Variants in RNF19A observed in about 807,000 individuals in gnomAD.
RNF19A encodes the protein ring finger protein 19A, RBR E3 ubiquitin protein ligase, also known as E3 ubiquitin-protein ligase RNF19A.
Under a neutral mutation model 75.7 loss-of-function variants are expected in RNF19A, and 32 were observed. The observed-to-expected ratio is 0.42, with a 90% confidence interval of 0.32 to 0.57. The LOEUF (loss-of-function observed/expected upper bound fraction) is 0.57, where lower values mean the gene tolerates loss of function less well. Ranked by LOEUF, RNF19A falls within the 20% of genes least tolerant of loss-of-function variation. The pLI is 0.10. For synonymous variants in RNF19A, 335 were observed against 345.2 expected (o/e 0.97, Z 0.33); for missense variants, 782 against 1,036.3 (o/e 0.75, Z 3.37).
At position 100,331,854 on chromosome 8, in the gene RNF19A, A is replaced by G. The variant is rs1403732627; in HGVS notation, c.-243+4254T>C. On this transcript the variant is annotated intron_variant, in intron 1 of 3. Transcript: ENST00000519527. The surrounding 1 kb of genome is among the most constrained non-coding windows in gnomAD (Gnocchi z 5.2). ...CCCCAGCCCTACCTACCTCTCTTACACAGTACTAACCTTTGCACCCTGCTT... is the reference window on the plus strand; with the variant it reads ...CCCCAGCCCTACCTACCTCTCTTACGCAGTACTAACCTTTGCACCCTGCTT... Among the ~76,000 whole-genome samples the G allele has an allele frequency of 6.6e-6, 1 of 152,140 alleles. No homozygotes were observed. The highest frequency in any genetic ancestry group is 2.4e-5 in the African/African-American group (1 of 41,440).
chr8:100,307,941 A>G (rs1822126793), intron 1 of RNF19A, among the ~76,000 whole-genome samples: 1 of 152,156 alleles, frequency 6.6e-6, no homozygotes. Flanking sequence ...AGAAATCACC[A>G]AAATTTGTTT....
In RNF19A at chr8:100,259,480, T is replaced by C. The variant is rs1206373609; in HGVS notation, c.1827-234A>G. 6.6e-6 allele frequency among the ~76,000 whole-genome samples: 1 copy of C among 152,220 alleles called. No homozygotes were observed. Among genetic ancestry groups the C allele is most frequent in the Admixed American group, 6.5e-5 (1 of 15,290 alleles). On this transcript the variant is annotated intron_variant, in intron 9 of 9. Transcript: ENST00000341084. The surrounding 1 kb of genome is among the most constrained non-coding windows in gnomAD (Gnocchi z 4.5). ...ATTGCTTATGCTGTTCTAGACACTA[T>C]GCTACCTTTTTTTAAAGAACAGCTT...
At position 100,257,932 on chromosome 8, in the gene RNF19A, G is replaced by C; in HGVS notation, c.*624C>G. 1 of 398,412 alleles carries C rather than the reference G, an allele frequency of 2.5e-6. No individual in the cohort carries two copies. The allele number at this position is 398,412 out of a possible 1,614,324, so 24.7% of individuals were successfully genotyped here. A position where few individuals can be genotyped will look rare whatever the true frequency, so the allele number is the denominator to read the frequency against. On this transcript the variant is annotated 3_prime_UTR_variant, in exon 10 of 10. Coordinates refer to ENST00000341084, the MANE Select transcript of RNF19A (RefSeq NM_183419.4). ...GATGGCATCAACAATAAACAAGATA[G>C]AGTACCAGGTATTTCTATTTCAAAG...
In RNF19A at chr8:100,258,998, T is replaced by TC; in HGVS notation, c.2074dup (p.Asp692GlyfsTer16). 1 of 1,614,214 alleles carries TC rather than the reference T, an allele frequency of 6.2e-7. No individual in the cohort carries two copies. The highest frequency in any genetic ancestry group is 8.5e-7 in the Non-Finnish European group (1 of 1,180,038). The stretch of plus-strand genomic sequence containing the variant: ...TTGTTCTAACAACTGTGCATCCATG[T>TC]CCTCTCTCGTCTCATTTATCTTCAT... On this transcript the variant is annotated frameshift_variant, in exon 10 of 10. Coordinates refer to ENST00000341084, the MANE Select transcript of RNF19A (RefSeq NM_183419.4). LOFTEE classifies it high-confidence loss of function. The surrounding 1 kb of genome is among the most constrained non-coding windows in gnomAD (Gnocchi z 4.3).
chr8:100,333,516 T>C lies in RNF19A; in HGVS notation c.-243+2592A>G, dbSNP rs371576680. 1.2e-4 allele frequency among the ~76,000 whole-genome samples: 19 copies of C among 152,366 alleles called. No individual in the cohort carries two copies. Among genetic ancestry groups the C allele is most frequent in the African/African-American group, 4.1e-4 (17 of 41,580 alleles). On this transcript the variant is annotated intron_variant, in intron 1 of 3. Coordinates refer to the RNF19A transcript ENST00000519527. The surrounding 1 kb of genome is among the most constrained non-coding windows in gnomAD (Gnocchi z 4.7). ...TGCTTATACAGCGAGATCAGTACCA[T>C]ATAAAAGTATATCAAAATCAGAAAG...
At chr8:100,274,439 AC>A (rs1446617942) in intron 3 of RNF19A, among the ~76,000 whole-genome samples, 61 of 152,380 alleles carry the variant, frequency 4.0e-4, no homozygotes, top group African/African-American at 1.3e-3. Flanking sequence ...GTATAAAAAA[AC>A]ATTTATGTTA....
chr8:100,334,099 G>A (rs988377324), intron 1 of RNF19A, among the ~76,000 whole-genome samples: 2 of 152,100 alleles, frequency 1.3e-5, no homozygotes, highest in African/African-American at 4.8e-5. Context: ...CACTTCCTCA[G>A]GCTCCCTTTG....
chr8:100,297,353 T>G (rs1002244749), intron 1 of RNF19A, among the ~76,000 whole-genome samples: 1 of 152,230 alleles, frequency 6.6e-6, no homozygotes, highest in Non-Finnish European at 1.5e-5. Flanking sequence ...TTATGCCTTT[T>G]GTTCAGAAAG....
intron 1 of RNF19A, among the ~76,000 whole-genome samples, chr8:100,300,146 TG>T (rs1170564750): frequency 2.0e-5 from 3 of 152,192 alleles, no homozygotes; most frequent in Admixed American, 6.5e-5. Context: ...TGTTTCCCTT[TG>T]GGTATGTAGT....
chr8:100,264,858 C>G lies in RNF19A; in HGVS notation c.1192-73G>C, dbSNP rs984557045. 3 of 1,120,252 alleles carry G rather than the reference C, an allele frequency of 2.7e-6. No homozygotes were observed. Among genetic ancestry groups the G allele is most frequent in the African/African-American group, 1.5e-5 (1 of 64,740 alleles). The allele number at this position is 1,120,252 out of a possible 1,614,324, so 69.4% of individuals were successfully genotyped here. On this transcript the variant is annotated intron_variant, in intron 5 of 9. Transcript: ENST00000341084. The surrounding 1 kb of genome is among the most constrained non-coding windows in gnomAD (Gnocchi z 4.7). ...ACAATTTAACTTAGTTGAAAAAGAT[C>G]TATACTTGCTAAAGTGATTTTTCAT...
intron 1 of RNF19A, among the ~76,000 whole-genome samples, chr8:100,320,290 A>C (rs1788178): frequency 0.32 from 49,216 of 152,034 alleles, 8,623 homozygotes; most frequent in East Asian, 0.41. Flanking sequence ...ATTTTTTAAA[A>C]AACAACAACA....
At chr8:100,306,563 T>C (rs1822070456) in intron 1 of RNF19A, among the ~76,000 whole-genome samples, 1 of 152,154 alleles carries the variant, frequency 6.6e-6, no homozygotes, top group Non-Finnish European at 1.5e-5. Context: ...AAAACCTCCT[T>C]TATCAAGAAG....
intron 1 of RNF19A, among the ~76,000 whole-genome samples, chr8:100,301,604 T>C (rs1408587589): frequency 6.6e-6 from 1 of 152,204 alleles, no homozygotes; most frequent in Non-Finnish European, 1.5e-5. Flanking sequence ...GAGTATTCTT[T>C]TCCATCTTCA....
At chr8:100,301,132 T>C (rs1381661611) in intron 1 of RNF19A, among the ~76,000 whole-genome samples, 2 of 152,256 alleles carry the variant, frequency 1.3e-5, no homozygotes, top group South Asian at 2.1e-4. Flanking sequence ...TCCTCAGTTG[T>C]GCTAGTCACA....
At chr8:100,301,373 T>C (rs1821819481) in intron 1 of RNF19A, among the ~76,000 whole-genome samples, 1 of 152,210 alleles carries the variant, frequency 6.6e-6, no homozygotes, top group African/African-American at 2.4e-5. Flanking sequence ...CATTATCCTC[T>C]TTGTTAAAGT....
upstream of RNF19A, chr8:100,309,954 G>A: frequency 4.1e-6 from 4 of 985,696 alleles, no homozygotes; most frequent in Non-Finnish European, 4.8e-6. Flanking sequence ...GAGGAAGCGC[G>A]GGGGAGGGTC....
At chr8:100,300,655 A>G (rs1310065925) in intron 1 of RNF19A, 1 of 152,188 alleles carries the variant, frequency 6.6e-6, no homozygotes, top group African/African-American at 2.4e-5. Flanking sequence ...CCTGTCTCTG[A>G]AAAAAATGAA....
chr8:100,308,165 A>G (rs1219968270), intron 1 of RNF19A, among the ~76,000 whole-genome samples: 1 of 152,336 alleles, frequency 6.6e-6, no homozygotes, highest in South Asian at 2.1e-4. Context: ...TGAAAAAAAT[A>G]CACTAACATT....
chr8:100,297,450 A>C lies in RNF19A; in HGVS notation c.-93-9183T>G, dbSNP rs116158015. On this transcript the variant is annotated intron_variant, in intron 1 of 9. Coordinates refer to ENST00000341084, the MANE Select transcript of RNF19A (RefSeq NM_183419.4). The stretch of plus-strand genomic sequence containing the variant: ...GCTCATCTGCTTCATTTTCCTTCTG[A>C]GCACAAAGCAGGACTACATTTTCCC... 6.6e-3 allele frequency among the ~76,000 whole-genome samples: 1,012 copies of C among 152,322 alleles called. 12 individuals carry two copies. The highest frequency in any genetic ancestry group is 0.023 in the African/African-American group (970 of 41,560).
Sources: allele counts gnomAD v4.1 joint callset (sites outside exome capture counted in the v4.1 genomes callset), GRCh38; gene constraint gnomAD v4.1.1; non-coding constraint Gnocchi (gnomAD v3.1); transcripts MANE v1.5; gene names NCBI Gene and HGNC (gene_info 2026-07-23, HGNC 2026-07-21).